Variants in FAXC observed in about 807,000 individuals in gnomAD.
FAXC encodes the protein failed axon connections homolog.
In FAXC, 10 loss-of-function variants were observed where a neutral mutation model predicts 41.9. The observed-to-expected ratio is 0.24, with a 90% confidence interval of 0.15 to 0.41. FAXC has a LOEUF of 0.41. Among genes scored for constraint, FAXC ranks in the 10% least tolerant of loss-of-function variants. FAXC has a pLI of 1.00. For synonymous variants in FAXC, 183 were observed against 183.8 expected, an observed-to-expected ratio of 1.00 and a Z score of 0.03; for missense variants, 399 against 510.9, an observed-to-expected ratio of 0.78 and a Z score of 2.11.
intron 5 of FAXC, among the ~76,000 whole-genome samples, chr6:99,288,542 A>C (rs1343369768): frequency 2.6e-5 from 4 of 152,222 alleles, no homozygotes; most frequent in African/African-American, 9.6e-5. Flanking sequence ...ATTAAATTAA[A>C]GGGAAACTAA....
intron 4 of FAXC, chr6:99,309,985 C>T (rs1283886193): frequency 1.3e-6 from 1 of 783,734 alleles, no homozygotes; most frequent in African/African-American, 1.9e-5. Flanking sequence ...TGCTGAGTGG[C>T]CTTAGACCCA....
chr6:99,348,044 C>T (rs1255495289), intron 1 of FAXC, among the ~76,000 whole-genome samples: 2 of 152,184 alleles, frequency 1.3e-5, no homozygotes, highest in African/African-American at 4.8e-5. Flanking sequence ...AGGCCAAATG[C>T]CTACATTAGG....
chr6:99,319,662 G>A (rs2128458982), intron 4 of FAXC, among the ~76,000 whole-genome samples: 2 of 152,218 alleles, frequency 1.3e-5, no homozygotes, highest in South Asian at 2.1e-4. Flanking sequence ...TTTGAGTTCT[G>A]GAGTTATCAT....
intron 1 of FAXC, among the ~76,000 whole-genome samples, chr6:99,346,411 G>A (rs1328716500): frequency 1.3e-5 from 2 of 151,946 alleles, no homozygotes; most frequent in Admixed American, 6.6e-5. Flanking sequence ...TTTTTGAGAC[G>A]GAGTCTCGCT....
rs1770688328 is a variant in FAXC, at chr6:99,277,891, C to T, written c.*3273G>A. 6.6e-6 allele frequency: 1 copy of T among 152,174 alleles called. No individual in the cohort carries two copies. The highest frequency in any genetic ancestry group is 1.5e-5 in the Non-Finnish European group (1 of 68,034). 9.4% of individuals were successfully genotyped at this position (152,174 alleles called of 1,614,324 possible). ...TGACACTGAGCCAATAAGGTGCTTTCTACAGCTAATTTTTAGCACAGCTAT... is the reference window on the plus strand; with the variant it reads ...TGACACTGAGCCAATAAGGTGCTTTTTACAGCTAATTTTTAGCACAGCTAT... On this transcript the variant is annotated 3_prime_UTR_variant, in exon 6 of 6. Coordinates refer to ENST00000389677, the MANE Select transcript of FAXC (RefSeq NM_032511.4).
At chr6:99,329,069 G>A (rs1772932714) in intron 3 of FAXC, among the ~76,000 whole-genome samples, 1 of 152,152 alleles carries the variant, frequency 6.6e-6, no homozygotes, top group African/African-American at 2.4e-5. Flanking sequence ...CTCTCCACTG[G>A]GAGGAGACCC....
At position 99,271,460 on chromosome 6, in the gene FAXC, A is replaced by T. The variant is rs1770397041; in HGVS notation, c.*9704T>A. The T allele has an allele frequency of 6.6e-6, 1 of 152,402 alleles. No homozygotes were observed. The highest frequency in any genetic ancestry group is 2.1e-4 in the South Asian group (1 of 4,826). 9.4% of individuals were successfully genotyped at this position (152,402 alleles called of 1,614,324 possible). ...TCTAAAAAGATGAAAACCAAACTACAGGTCGAGCATCCCAAATCCAAAAAT... is the reference window on the plus strand; with the variant it reads ...TCTAAAAAGATGAAAACCAAACTACTGGTCGAGCATCCCAAATCCAAAAAT... On this transcript the variant is annotated 3_prime_UTR_variant, in exon 6 of 6. Transcript: ENST00000389677.
chr6:99,328,848 G>A (rs538669172), intron 3 of FAXC, among the ~76,000 whole-genome samples: 1 of 152,196 alleles, frequency 6.6e-6, no homozygotes, highest in African/African-American at 2.4e-5. Context: ...ATACCATCCT[G>A]GCCACTAACA....
intron 4 of FAXC, among the ~76,000 whole-genome samples, chr6:99,319,732 A>T (rs1582662813): frequency 6.6e-6 from 1 of 152,198 alleles, no homozygotes; most frequent in East Asian, 1.9e-4. Context: ...TGTTTCTCCT[A>T]TTAGGATTGC....
At chr6:99,300,754 C>CCAG (rs1218627086) in intron 4 of FAXC, among the ~76,000 whole-genome samples, 1 of 152,222 alleles carries the variant, frequency 6.6e-6, no homozygotes, top group African/African-American at 2.4e-5. Flanking sequence ...ATCAAAGGAA[C>CCAG]CAGCTGTTCT....
At chr6:99,333,623 C>T in intron 2 of FAXC, 76 bp from the exon 3 acceptor site, 3 of 1,252,136 alleles carry the variant, frequency 2.4e-6, no homozygotes, top group Non-Finnish European at 3.3e-6. Flanking sequence ...TAGAAACAAA[C>T]ATTCCAACCT....
At chr6:99,290,012 T>C (rs1414179550) in intron 5 of FAXC, among the ~76,000 whole-genome samples, 1 of 151,910 alleles carries the variant, frequency 6.6e-6, no homozygotes, top group Non-Finnish European at 1.5e-5. Flanking sequence ...ACTGAACAAG[T>C]ATTGTTTTTC....
intron 5 of FAXC, 136 bp downstream of exon 5, chr6:99,291,568 C>T: frequency 1.4e-6 from 1 of 709,122 alleles, no homozygotes; most frequent in Non-Finnish European, 2.6e-6. Context: ...CCAACCCTAG[C>T]CCTGTACACC....
chr6:99,326,602 G>C (rs952677568), intron 3 of FAXC, among the ~76,000 whole-genome samples: 2 of 152,142 alleles, frequency 1.3e-5, no homozygotes, highest in Admixed American at 6.5e-5. Flanking sequence ...GGTGAGCAGG[G>C]GCATGTTGGT....
At chr6:99,307,402 T>A (rs747064821) in intron 4 of FAXC, among the ~76,000 whole-genome samples, 1 of 152,108 alleles carries the variant, frequency 6.6e-6, no homozygotes, top group Non-Finnish European at 1.5e-5. Flanking sequence ...AATGAGCCGA[T>A]GGGGCTGACT....
At chr6:99,319,398 CAAAAAA>C (rs57370118) in intron 4 of FAXC, among the ~76,000 whole-genome samples, 6 of 47,680 alleles carry the variant, frequency 1.3e-4, no homozygotes, top group African/African-American at 3.8e-4. Flanking sequence ...GACTCCGTCT[CAAAAAA>C]AAAAAAAAAA....
At chr6:99,344,368 T>C (rs1038456554) in intron 1 of FAXC, among the ~76,000 whole-genome samples, 10 of 152,134 alleles carry the variant, frequency 6.6e-5, no homozygotes, top group African/African-American at 2.4e-4. Flanking sequence ...TTCCTTCCCC[T>C]TGGCCCTGCC....
intron 1 of FAXC, 70 bp downstream of exon 1, chr6:99,349,037 C>G (rs1460667300): frequency 4.0e-6 from 6 of 1,490,162 alleles, no homozygotes; most frequent in Non-Finnish European, 5.5e-6. Context: ...ACGGGCCCCT[C>G]TCGCGCCAGC....
At chr6:99,314,433 G>A (rs1772258667) in intron 4 of FAXC, among the ~76,000 whole-genome samples, 1 of 152,076 alleles carries the variant, frequency 6.6e-6, no homozygotes, top group African/African-American at 2.4e-5. Flanking sequence ...AATTAGCTGG[G>A]CGTGGTAGCA....
Sources: gnomAD v4.1 joint callset for allele counts (sites outside exome capture counted in the v4.1 genomes callset) on GRCh38, gnomAD v4.1.1 for gene constraint, MANE v1.5 for transcripts, NCBI Gene and HGNC (gene_info 2026-07-23, HGNC 2026-07-21) for gene names.